PARD3: variants seen among roughly 807,000 people sequenced by gnomAD.
PARD3 encodes the protein partitioning defective 3 homolog.
In PARD3, 75 loss-of-function variants were observed where a neutral mutation model predicts 155.4. The observed-to-expected ratio is 0.48, with a 90% CI of 0.40 to 0.58. The LOEUF (loss-of-function observed/expected upper bound fraction) is 0.58, where lower values mean the gene tolerates loss of function less well. Ranked by LOEUF, PARD3 falls within the 20% of genes least tolerant of loss-of-function variation. The pLI, the probability that PARD3 is intolerant of heterozygous loss-of-function variation, is 0.00. For missense variants in PARD3, 1,642 were observed against 1,721.7 expected (o/e 0.95, Z 0.82); for synonymous variants, 576 against 610.5 (o/e 0.94, Z 0.83).
At chr10:34,298,584 C>T (rs951433287) in intron 20 of PARD3, among the ~76,000 whole-genome samples, 3 of 151,944 alleles carry the variant, frequency 2.0e-5, no homozygotes, top group Non-Finnish European at 2.9e-5. Flanking sequence ...TTTCCAGGGA[C>T]GGGGGAAGAG....
intron 2 of PARD3, among the ~76,000 whole-genome samples, chr10:34,655,458 T>C (rs1448074006): frequency 5.3e-5 from 8 of 152,122 alleles, no homozygotes; most frequent in Admixed American, 3.9e-4. Context: ...GAGAAGTTCA[T>C]GACATCACAA....
At chr10:34,485,269 C>T (rs891134890) in intron 3 of PARD3, among the ~76,000 whole-genome samples, 4 of 151,648 alleles carry the variant, frequency 2.6e-5, no homozygotes, top group African/African-American at 7.3e-5. Flanking sequence ...ACCTGGGAGG[C>T]AGAGGCGGCA....
intron 22 of PARD3, among the ~76,000 whole-genome samples, chr10:34,236,122 T>C (rs1309769991): frequency 6.6e-6 from 1 of 152,130 alleles, no homozygotes; most frequent in African/African-American, 2.4e-5. Flanking sequence ...TTGGGGTATG[T>C]GACGGCTATA....
intron 2 of PARD3, among the ~76,000 whole-genome samples, chr10:34,623,129 A>G (rs2091788546): frequency 6.6e-6 from 1 of 152,134 alleles, no homozygotes; most frequent in Non-Finnish European, 1.5e-5. Context: ...CTCTACAAAG[A>G]CACACAAAAG....
chr10:34,714,775 A>AT (rs35679032), intron 1 of PARD3, among the ~76,000 whole-genome samples: 6,256 of 144,322 alleles, frequency 0.043, 398 homozygotes, highest in African/African-American at 0.14. Context: ...ACACATCAAA[A>AT]TTTTTTTTTT....
At chr10:34,366,856 A>G (rs1229833428) in intron 12 of PARD3, among the ~76,000 whole-genome samples, 2 of 152,158 alleles carry the variant, frequency 1.3e-5, no homozygotes, top group African/African-American at 4.8e-5. Flanking sequence ...ATTTTAATTT[A>G]TCCCGTATGT....
intron 19 of PARD3, among the ~76,000 whole-genome samples, chr10:34,329,869 T>C (rs1486098444): frequency 6.6e-6 from 1 of 152,200 alleles, no homozygotes; most frequent in African/African-American, 2.4e-5. Flanking sequence ...ACGCATTATA[T>C]GTATAAGCAT....
At chr10:34,187,975 G>A (rs1950557124) in intron 22 of PARD3, among the ~76,000 whole-genome samples, 1 of 152,196 alleles carries the variant, frequency 6.6e-6, no homozygotes, top group East Asian at 1.9e-4. Context: ...GCGGAGGAAC[G>A]TGGAGCTGCA....
chr10:34,730,935 T>C (rs11009897), intron 1 of PARD3, among the ~76,000 whole-genome samples: 42,259 of 152,142 alleles, frequency 0.28, 7,215 homozygotes, highest in Non-Finnish European at 0.38. Flanking sequence ...TGTGAAATTC[T>C]TAAACCAACC....
At chr10:34,598,406 A>T (rs768426138) in intron 2 of PARD3, among the ~76,000 whole-genome samples, 2 of 152,242 alleles carry the variant, frequency 1.3e-5, no homozygotes, top group Non-Finnish European at 1.5e-5. Flanking sequence ...TTTCAGCTTT[A>T]TGACAAGGAA....
chr10:34,556,920 A>G (rs547875075), intron 2 of PARD3, among the ~76,000 whole-genome samples: 6 of 152,156 alleles, frequency 3.9e-5, no homozygotes, highest in Non-Finnish European at 7.3e-5. Flanking sequence ...CTAGACACAT[A>G]GATATACCTG....
At chr10:34,454,584 T>A (rs919506117) in intron 4 of PARD3, among the ~76,000 whole-genome samples, 1 of 152,044 alleles carries the variant, frequency 6.6e-6, no homozygotes, top group African/African-American at 2.4e-5. Flanking sequence ...TAAATTAATT[T>A]GTTAGAGTTA....
chr10:34,482,540 A>G (rs191262841), intron 3 of PARD3, among the ~76,000 whole-genome samples: 1 of 149,418 alleles, frequency 6.7e-6, no homozygotes, highest in East Asian at 1.9e-4. Context: ...CAGGACAGGT[A>G]AAAGGCAAAT....
chr10:34,478,251 A>G (rs768272527), intron 3 of PARD3, among the ~76,000 whole-genome samples: 25 of 152,352 alleles, frequency 1.6e-4, no homozygotes, highest in Non-Finnish European at 2.5e-4. Context: ...GATAAGTGCA[A>G]TGAGCACCAC....
chr10:34,755,376 C>T (rs1836583776), intron 1 of PARD3, among the ~76,000 whole-genome samples: 1 of 151,996 alleles, frequency 6.6e-6, no homozygotes, highest in African/African-American at 2.4e-5. Flanking sequence ...TGCACTGCTA[C>T]ACTCCAGCCT....
chr10:34,634,277 G>A (rs1186576164), intron 2 of PARD3, among the ~76,000 whole-genome samples: 1 of 152,190 alleles, frequency 6.6e-6, no homozygotes, highest in East Asian at 1.9e-4. Flanking sequence ...ATTTGCTGAT[G>A]CGGAAACTTA....
intron 11 of PARD3, 128 bp downstream of exon 11, chr10:34,374,746 G>T: frequency 1.2e-6 from 1 of 862,718 alleles, no homozygotes; most frequent in Non-Finnish European, 1.8e-6. Flanking sequence ...TTCAGTGAGG[G>T]CTGAAAGAAA....
At chr10:34,683,250 G>A (rs1332511037) in intron 2 of PARD3, among the ~76,000 whole-genome samples, 1 of 151,988 alleles carries the variant, frequency 6.6e-6, no homozygotes, top group Non-Finnish European at 1.5e-5. Context: ...TGGGAGGCGG[G>A]GAGAGAAGCA....
intron 3 of PARD3, among the ~76,000 whole-genome samples, chr10:34,516,112 C>CTG (rs1564799502): frequency 1.3e-5 from 2 of 151,942 alleles, no homozygotes; most frequent in Non-Finnish European, 2.9e-5. Context: ...TTACAGGCAA[C>CTG]CGCCACCACG....
Sources: allele counts gnomAD v4.1 joint callset (sites outside exome capture counted in the v4.1 genomes callset), GRCh38; gene constraint gnomAD v4.1.1; transcripts MANE v1.5; gene names NCBI Gene and HGNC (gene_info 2026-07-23, HGNC 2026-07-21).